The following SEMA6A variants were observed in gnomAD, a reference collection of about 807,000 sequenced individuals.
SEMA6A encodes semaphorin 6A.
A neutral mutation model predicts 96.8 loss-of-function variants in SEMA6A; 25 were observed. The ratio of observed to expected loss-of-function variants is 0.26; its 90% CI spans 0.19 to 0.36. The LOEUF is 0.36. SEMA6A is among the 10% of genes least tolerant of loss of function. The pLI is 1.00. For synonymous variants in SEMA6A, 612 were observed against 518.0 expected (o/e 1.18, Z -2.46); for missense variants, 1,363 against 1,323.1 (o/e 1.03, Z -0.47).
chr5:116,460,507 A>G (rs891572271), intron 18 of SEMA6A, among the ~76,000 whole-genome samples: 4 of 152,196 alleles, frequency 2.6e-5, no homozygotes, highest in African/African-American at 4.8e-5. Flanking sequence ...CAGGTAGCAA[A>G]AAGTTTAAGT....
chr5:116,480,332 A>G, intron 11 of SEMA6A, 55 bp from the exon 12 acceptor site: 1 of 1,594,350 alleles, frequency 6.3e-7, no homozygotes, highest in East Asian at 2.2e-5. Flanking sequence ...CCTTATGGCA[A>G]ATTCTTTGAA....
At chr5:116,484,541 C>T (rs1756944846) in intron 10 of SEMA6A, among the ~76,000 whole-genome samples, 1 of 152,030 alleles carries the variant, frequency 6.6e-6, no homozygotes, top group African/African-American at 2.4e-5. Context: ...AGGAGAATTG[C>T]TTGAACAAGG....
At chr5:116,478,381 A>T in intron 13 of SEMA6A, 161 bp downstream of exon 13, 1 of 844,786 alleles carries the variant, frequency 1.2e-6, no homozygotes, top group Non-Finnish European at 1.8e-6. Flanking sequence ...CACATTGGCA[A>T]GGAGAAAATA....
intron 1 of SEMA6A, among the ~76,000 whole-genome samples, chr5:116,551,823 G>A (rs1760425748): frequency 6.6e-6 from 1 of 152,200 alleles, no homozygotes; most frequent in African/African-American, 2.4e-5. Flanking sequence ...AAACACAGAT[G>A]TGCTACAACA....
At chr5:116,512,584 A>G (rs1217398095) in intron 1 of SEMA6A, among the ~76,000 whole-genome samples, 1 of 152,242 alleles carries the variant, frequency 6.6e-6, no homozygotes, top group African/African-American at 2.4e-5. Context: ...AGAAAAAAAT[A>G]TCTTTTCAAA....
chr5:116,524,012 A>C (rs1759091743), intron 1 of SEMA6A, among the ~76,000 whole-genome samples: 1 of 152,364 alleles, frequency 6.6e-6, no homozygotes, highest in South Asian at 2.1e-4. Context: ...ACAACTGGAC[A>C]TTGAAACCTA....
intron 1 of SEMA6A, among the ~76,000 whole-genome samples, chr5:116,538,770 A>G (rs531102349): frequency 6.6e-6 from 1 of 152,296 alleles, no homozygotes; most frequent in African/African-American, 2.4e-5. Context: ...AGACAAAACT[A>G]AAGTCCTGCT....
At position 116,452,492 on chromosome 5, in the gene SEMA6A, T is replaced by C. The variant is rs533775022; in HGVS notation, c.1895-4681A>G. Among the ~76,000 whole-genome samples the C allele has an allele frequency of 6.6e-5, 10 of 151,738 alleles. No individual in the cohort carries two copies. In the East Asian group the frequency reaches 1.9e-3, roughly 29 times the overall value. ...GAGACCTCAGAGAGGAAATTTGAAG[T>C]TCTTTAGAGTCCAAAGCAATGAAAA... is the stretch of plus-strand genomic sequence containing the variant. On this transcript the variant is annotated intron_variant, in intron 18 of 18. Transcript: ENST00000343348.
intron 10 of SEMA6A, 42 bp downstream of exon 10, chr5:116,486,707 C>T: frequency 6.6e-7 from 1 of 1,525,166 alleles, no homozygotes; most frequent in African/African-American, 1.4e-5. Context: ...AGAAGGAAGC[C>T]AGGAAGAATT....
At chr5:116,502,703 G>T in intron 2 of SEMA6A, 1 of 181,794 alleles carries the variant, frequency 5.5e-6, no homozygotes, top group South Asian at 1.3e-4. Context: ...GTCTGCCAAA[G>T]ATCTTGTCTC....
At chr5:116,464,082 G>A (rs1036225292) in intron 18 of SEMA6A, among the ~76,000 whole-genome samples, 1 of 152,136 alleles carries the variant, frequency 6.6e-6, no homozygotes, top group Non-Finnish European at 1.5e-5. Context: ...TGTGGGAAGC[G>A]GTGGTGGAGA....
At position 116,504,930 on chromosome 5, in the gene SEMA6A, G is replaced by T; in HGVS notation, c.15C>A (p.Ala5=). The change falls in exon 2 of 19, where the codon GCC becomes GCA. Residue 5 remains alanine (A), a synonymous_variant. Coordinates refer to ENST00000343348, the MANE Select transcript of SEMA6A (RefSeq NM_020796.5). MRSE[A]LLLYFTLLHF... is the part of the protein sequence containing the mutation. The stretch of plus-strand genomic sequence containing the variant: ...GTAGCAGTGTGAAATATAGCAGCAA[G>T]GCTTCTGACCTCATAGTAGTTCAGC... 6.3e-7 allele frequency: 1 copy of T among 1,597,152 alleles called. No individual in the cohort carries two copies. Among genetic ancestry groups the T allele is most frequent in the Non-Finnish European group, 8.5e-7 (1 of 1,171,580 alleles).
intron 7 of SEMA6A, among the ~76,000 whole-genome samples, chr5:116,489,572 C>A (rs9885339): frequency 0.19 from 29,389 of 152,156 alleles, 2,994 homozygotes; most frequent in African/African-American, 0.26. Context: ...CTTGACAGTT[C>A]ACTAAACCCT....
At chr5:116,450,892 A>G (rs896754899) in intron 18 of SEMA6A, among the ~76,000 whole-genome samples, 1 of 152,224 alleles carries the variant, frequency 6.6e-6, no homozygotes, top group Admixed American at 6.5e-5. Context: ...ATTTTTGGAA[A>G]TGCCTTTCAA....
At chr5:116,542,599 CA>C (rs1210756651) in intron 1 of SEMA6A, among the ~76,000 whole-genome samples, 1 of 152,046 alleles carries the variant, frequency 6.6e-6, no homozygotes, top group African/African-American at 2.4e-5. Flanking sequence ...TTTAGAAACC[CA>C]AAAAAGTCAA....
At chr5:116,570,450 T>C (rs1761167124) in intron 1 of SEMA6A, among the ~76,000 whole-genome samples, 2 of 152,164 alleles carry the variant, frequency 1.3e-5, no homozygotes, top group Admixed American at 1.3e-4. Context: ...TATATAAATA[T>C]GTCAAGGAGC....
At position 116,478,009 on chromosome 5, in the gene SEMA6A, C is replaced by T; in HGVS notation, c.1568+5G>A. The T allele has an allele frequency of 6.2e-7, 1 of 1,613,964 alleles. No homozygotes were observed. The highest frequency in any genetic ancestry group is 8.5e-7 in the Non-Finnish European group (1 of 1,179,866). ...TTCTAATTGTCAATGAGGCAAAATA[C>T]ATACTTTTTACACTTCCCATGTCGT... On this transcript the variant is annotated splice_donor_5th_base_variant and intron_variant, in intron 14 of 18. Coordinates refer to ENST00000343348, the MANE Select transcript of SEMA6A (RefSeq NM_020796.5).
chr5:116,462,174 G>C (rs1423515106), intron 18 of SEMA6A, among the ~76,000 whole-genome samples: 1 of 152,100 alleles, frequency 6.6e-6, no homozygotes, highest in Non-Finnish European at 1.5e-5. Flanking sequence ...GCATGGGAGA[G>C]TGTTAAAATG....
chr5:116,474,541 G>A (rs1245038474), intron 16 of SEMA6A, among the ~76,000 whole-genome samples: 1 of 152,080 alleles, frequency 6.6e-6, no homozygotes, highest in Non-Finnish European at 1.5e-5. Context: ...ATATGTATAT[G>A]GCAAAGATTT....
Sources: allele counts gnomAD v4.1 joint callset (sites outside exome capture counted in the v4.1 genomes callset), GRCh38; gene constraint gnomAD v4.1.1; transcripts MANE v1.5; gene names NCBI Gene and HGNC (gene_info 2026-07-23, HGNC 2026-07-21).